AUTS2: variants seen among roughly 807,000 people sequenced by gnomAD.
AUTS2 encodes the protein activator of transcription and developmental regulator AUTS2.
A neutral mutation model predicts 112.4 loss-of-function variants in AUTS2; 17 were observed. The observed-to-expected ratio is 0.15, with a 90% confidence interval of 0.10 to 0.23. The LOEUF (loss-of-function observed/expected upper bound fraction) is 0.23. Among genes scored for constraint, AUTS2 ranks in the 10% least tolerant of loss-of-function variants. The probability of loss-of-function intolerance (pLI) is 1.00; values close to 1 mark genes in which losing one functional copy is unlikely to be tolerated. For missense variants in AUTS2, 1,510 were observed against 1,701.6 expected, an observed-to-expected ratio of 0.89 and a Z score of 1.98; for synonymous variants, 751 against 702.7, an observed-to-expected ratio of 1.07 and a Z score of -1.09.
intron 4 of AUTS2, among the ~76,000 whole-genome samples, chr7:70,240,136 C>G (rs1366281790): frequency 6.6e-6 from 1 of 152,152 alleles, no homozygotes; most frequent in African/African-American, 2.4e-5. Context: ...CAGAATCTCC[C>G]AGCCCCGGTA....
chr7:70,359,639 C>G (rs984905061), intron 4 of AUTS2, among the ~76,000 whole-genome samples: 5 of 152,144 alleles, frequency 3.3e-5, no homozygotes. Flanking sequence ...TGAGAACTTA[C>G]TCACTTCCAA....
At chr7:70,405,773 C>T (rs1463990858) in intron 4 of AUTS2, among the ~76,000 whole-genome samples, 1 of 152,198 alleles carries the variant, frequency 6.6e-6, no homozygotes, top group East Asian at 1.9e-4. Flanking sequence ...AAAATCCTCT[C>T]CGTGCCACAT....
intron 5 of AUTS2, among the ~76,000 whole-genome samples, chr7:70,636,631 G>A (rs1200235606): frequency 6.9e-6 from 1 of 145,984 alleles, no homozygotes; most frequent in African/African-American, 2.5e-5. Flanking sequence ...AAGTTAAATT[G>A]ATGGCCTACA....
chr7:70,284,720 C>T (rs1788377253), intron 4 of AUTS2, among the ~76,000 whole-genome samples: 1 of 152,132 alleles, frequency 6.6e-6, no homozygotes, highest in East Asian at 1.9e-4. Flanking sequence ...TTCTCAAGTT[C>T]GTTATAAAGA....
Position 69,809,659 on chromosome 7 carries a change from A to G in AUTS2, c.310-89627A>G, listed in dbSNP as rs142718860. Among the ~76,000 whole-genome samples the G allele has an allele frequency of 2.1e-3, 323 of 152,294 alleles. 1 individual carries two copies. The highest frequency in any genetic ancestry group is 7.4e-3 in the African/African-American group (309 of 41,564). On this transcript the variant is annotated intron_variant, in intron 1 of 18. Transcript: ENST00000342771. ...GGGATAAAACCCTAGAGAGAGAGTA[A>G]CACAATCCTGGCTGCCATCTCAGAA...
chr7:70,790,311 A>G lies in AUTS2; in HGVS notation c.3095A>G (p.His1032Arg). Residue 1032 changes from histidine (H) to arginine (R), a missense_variant, in exon 19 of 19, where the codon CAC becomes CGC. Around this residue, in one of 3 missense-constraint regions of AUTS2, gnomAD observed 788 missense variants for 797.6 expected, o/e 0.99. Coordinates refer to ENST00000342771, the MANE Select transcript of AUTS2 (RefSeq NM_015570.4). This position sits in a 1 kb window ranked among gnomAD's most constrained non-coding sequence, Gnocchi z 7.6. The stretch of plus-strand genomic sequence containing the variant: ...ATGACGGTGGGGGTGACGGGCATTC[A>G]CCCCATGAACAGCATCAGCAGCCTG... ...MPMTVGVTGIHPMNSISSLDR... is the reference protein window; with the variant it reads ...MPMTVGVTGIRPMNSISSLDR... 6.2e-7 allele frequency: 1 copy of G among 1,613,412 alleles called. No homozygotes were observed. The highest frequency in any genetic ancestry group is 1.1e-5 in the South Asian group (1 of 91,064).
intron 8 of AUTS2, among the ~76,000 whole-genome samples, 175 bp from the exon 9 acceptor site, chr7:70,765,939 C>T (rs1274748626): frequency 2.6e-5 from 4 of 152,096 alleles, no homozygotes; most frequent in African/African-American, 9.7e-5. Context: ...AGACAGGGTG[C>T]GACCGGGCCT....
chr7:70,311,624 T>TC (rs766094079), intron 4 of AUTS2, among the ~76,000 whole-genome samples: 1 of 152,228 alleles, frequency 6.6e-6, no homozygotes, highest in African/African-American at 2.4e-5. Flanking sequence ...TGATGCAATC[T>TC]TGGCTCACTG....
intron 5 of AUTS2, among the ~76,000 whole-genome samples, chr7:70,504,466 C>T (rs1465268513): frequency 6.6e-6 from 1 of 151,964 alleles, no homozygotes; most frequent in South Asian, 2.1e-4. Context: ...CATGAGGAGT[C>T]GACAGCAAAA....
intron 1 of AUTS2, among the ~76,000 whole-genome samples, chr7:69,827,540 C>T (rs934558450): frequency 1.5e-4 from 23 of 152,128 alleles, no homozygotes; most frequent in African/African-American, 5.1e-4. Flanking sequence ...GATTTTAGAA[C>T]ACCACATGAA....
At chr7:70,106,144 T>C (rs747438508) in intron 2 of AUTS2, among the ~76,000 whole-genome samples, 1 of 152,178 alleles carries the variant, frequency 6.6e-6, no homozygotes, top group Non-Finnish European at 1.5e-5. Flanking sequence ...GGGAGGGTCT[T>C]TATACATCTT....
intron 4 of AUTS2, among the ~76,000 whole-genome samples, chr7:70,155,272 C>T (rs932171037): frequency 3.3e-5 from 5 of 152,134 alleles, no homozygotes; most frequent in African/African-American, 1.2e-4. Flanking sequence ...CCTAGAATCT[C>T]AGTCAGGATT....
At chr7:70,457,092 C>T (rs141757820) in intron 5 of AUTS2, among the ~76,000 whole-genome samples, 6 of 152,328 alleles carry the variant, frequency 3.9e-5, no homozygotes, top group Non-Finnish European at 8.8e-5. Flanking sequence ...ACTCCTGTGC[C>T]TGGGACAGTC....
intron 2 of AUTS2, among the ~76,000 whole-genome samples, chr7:69,948,770 T>TTTA (rs1554410282): frequency 2.0e-5 from 3 of 149,618 alleles, no homozygotes; most frequent in Non-Finnish European, 4.4e-5. Flanking sequence ...CAAAATTTTC[T>TTTA]TTCATTTATT....
At chr7:69,872,065 C>T (rs537717370) in intron 1 of AUTS2, among the ~76,000 whole-genome samples, 2 of 152,306 alleles carry the variant, frequency 1.3e-5, no homozygotes, top group African/African-American at 4.8e-5. Context: ...TGTTATCCGA[C>T]TTAACTTACA....
intron 4 of AUTS2, among the ~76,000 whole-genome samples, chr7:70,369,299 A>T (rs1792730265): frequency 6.6e-6 from 1 of 152,088 alleles, no homozygotes; most frequent in South Asian, 2.1e-4. Flanking sequence ...TAATCGAGAG[A>T]AGTTTAGGAC....
intron 5 of AUTS2, among the ~76,000 whole-genome samples, chr7:70,565,188 T>C (rs1487347489): frequency 6.6e-6 from 1 of 152,200 alleles, no homozygotes; most frequent in African/African-American, 2.4e-5. Context: ...AAATGCACAT[T>C]TAAGATACAT....
chr7:70,349,940 A>G (rs1791672943), intron 4 of AUTS2, among the ~76,000 whole-genome samples: 1 of 152,246 alleles, frequency 6.6e-6, no homozygotes, highest in African/African-American at 2.4e-5. Flanking sequence ...ATGAAATAGT[A>G]TCAAGAACTG....
intron 4 of AUTS2, among the ~76,000 whole-genome samples, chr7:70,234,567 A>G (rs1039184706): frequency 1.3e-5 from 2 of 152,174 alleles, no homozygotes; most frequent in Admixed American, 6.5e-5. Context: ...CTTGGTTTAC[A>G]GATGAGGAGA....
Sources: allele counts gnomAD v4.1 joint callset (sites outside exome capture counted in the v4.1 genomes callset), GRCh38; gene constraint gnomAD v4.1.1; regional missense constraint gnomAD v4.1.1; non-coding constraint Gnocchi (gnomAD v3.1); transcripts MANE v1.5; gene names NCBI Gene and HGNC (gene_info 2026-07-23, HGNC 2026-07-21).